ANK3: variants seen among roughly 807,000 people sequenced by gnomAD.
ANK3 encodes ankyrin-3.
Under a neutral mutation model 370.9 loss-of-function variants are expected in ANK3, and 57 were observed. The ratio of observed to expected loss-of-function variants is 0.15; its 90% CI spans 0.12 to 0.19. The LOEUF (loss-of-function observed/expected upper bound fraction) is 0.19, where lower values mean the gene tolerates loss of function less well. Ranked by LOEUF, ANK3 falls within the 10% of genes least tolerant of loss-of-function variation. ANK3 has a pLI of 1.00. For synonymous variants in ANK3, 1,929 were observed against 1,946.3 expected, an observed-to-expected ratio of 0.99 and a Z score of 0.23; for missense variants, 4,439 against 5,302.1, an observed-to-expected ratio of 0.84 and a Z score of 5.06.
intron 12 of ANK3, 22 bp downstream of exon 12, chr10:60,202,980 C>T (rs754705109): frequency 2.6e-6 from 4 of 1,558,750 alleles, no homozygotes; most frequent in Non-Finnish European, 3.5e-6. Context: ...CAATGGACCT[C>T]CTTTGTTCAA....
At chr10:60,366,959 A>T (rs1252057958) in intron 1 of ANK3, among the ~76,000 whole-genome samples, 4 of 152,140 alleles carry the variant, frequency 2.6e-5, no homozygotes, top group Non-Finnish European at 5.9e-5. Flanking sequence ...TATTCTTACT[A>T]TATTTACCTA....
Position 60,676,258 on chromosome 10 carries a change from T to C in ANK3, c.57+57005A>G, listed in dbSNP as rs1183775697. ...ATAATTCTTGCAAGTAATTTGAAAATGTTTTACCTTTTCTCAATAGGAATG... is the reference window on the plus strand; with the variant it reads ...ATAATTCTTGCAAGTAATTTGAAAACGTTTTACCTTTTCTCAATAGGAATG... On this transcript the variant is annotated intron_variant, in intron 1 of 43. Transcript: ENST00000373827. Among the ~76,000 whole-genome samples the C allele has an allele frequency of 2.6e-5, 4 of 152,302 alleles. No individual in the cohort carries two copies. In the South Asian group the frequency reaches 8.3e-4, roughly 32 times the overall value.
At chr10:60,281,999 T>G (rs945629618) in intron 1 of ANK3, among the ~76,000 whole-genome samples, 1 of 152,200 alleles carries the variant, frequency 6.6e-6, no homozygotes, top group East Asian at 1.9e-4. Context: ...AGGTTCACTA[T>G]TTAGAGGTTA....
At chr10:60,277,802 T>C (rs915181075) in intron 4 of ANK3, among the ~76,000 whole-genome samples, 3 of 152,184 alleles carry the variant, frequency 2.0e-5, no homozygotes, top group Non-Finnish European at 4.4e-5. Flanking sequence ...AATCAATTTG[T>C]TCAATATCCA....
Position 60,269,017 on chromosome 10 carries a change from T to C in ANK3, c.513+1114A>G, listed in dbSNP as rs114787061. The stretch of plus-strand genomic sequence containing the variant: ...ACTAAGTGAGATTAGATGCAGTTTA[T>C]CTACTGCCATCTTTTCTGTGCTATT... On this transcript the variant is annotated intron_variant, in intron 5 of 43. Coordinates refer to ENST00000280772, the MANE Select transcript of ANK3 (RefSeq NM_020987.5). 8.9e-3 allele frequency among the ~76,000 whole-genome samples: 1,356 copies of C among 152,340 alleles called. 22 individuals are homozygous for C. The highest frequency in any genetic ancestry group is 0.031 in the African/African-American group (1,304 of 41,570).
rs2096887283 is a variant in ANK3 at position 60,213,444 on chromosome 10, C to A, written c.964G>T (p.Asp322Tyr). ...TTTGAAAGAATGGGGGCAGCTCGATCAAGCAACATTTCTACCACCTGCTCG... is the reference window on the plus strand; with the variant it reads ...TTTGAAAGAATGGGGGCAGCTCGATAAAGCAACATTTCTACCACCTGCTCG... ...GHEQVVEMLL[D>Y]RAAPILSKTK... is the part of the protein sequence containing the mutation. Residue 322 changes from aspartate to tyrosine, a missense_variant, in exon 9 of 44, where the codon GAT (aspartate) becomes TAT (tyrosine). Physicochemically the swap from Asp to Tyr is radical, Grantham distance 160. Around this residue, in one of 13 missense-constraint regions of ANK3, gnomAD observed 227 missense variants for 377.6 expected, o/e 0.60. Transcript: ENST00000280772. 1 of 1,612,520 alleles carries A rather than the reference C, an allele frequency of 6.2e-7. No individual in the cohort carries two copies.
chr10:60,486,151 G>C (rs2075341836), intron 2 of ANK3, among the ~76,000 whole-genome samples: 1 of 152,018 alleles, frequency 6.6e-6, no homozygotes, highest in African/African-American at 2.4e-5. Flanking sequence ...CCCTGGAAGT[G>C]GTACAAATAC....
intron 39 of ANK3, 103 bp from the exon 40 acceptor site, chr10:60,063,357 T>G: frequency 2.6e-6 from 3 of 1,146,128 alleles, no homozygotes; most frequent in Non-Finnish European, 1.2e-6. Context: ...GCTGACATTT[T>G]AGCTCCTTCT....
chr10:60,028,057 C>A lies in ANK3; in HGVS notation c.*1789G>T, dbSNP rs1329437827. 6.6e-6 allele frequency: 1 copy of A among 152,168 alleles called. No homozygotes were observed. Among genetic ancestry groups the A allele is most frequent in the Non-Finnish European group, 1.5e-5 (1 of 68,024 alleles). The allele number at this position is 152,168 out of a possible 1,614,324, so 9.4% of individuals were successfully genotyped here. On this transcript the variant is annotated 3_prime_UTR_variant, in exon 44 of 44. Transcript: ENST00000280772. ...ATTAATAAAACAAAACAAAAACAAGCTCTGTGGGCTAAAAGCAACTGCATG... is the reference window on the plus strand; with the variant it reads ...ATTAATAAAACAAAACAAAAACAAGATCTGTGGGCTAAAAGCAACTGCATG...
chr10:60,733,222 G>T, intron 1 of ANK3: 1 of 1,238,446 alleles, frequency 8.1e-7, no homozygotes, highest in Non-Finnish European at 1.0e-6. Flanking sequence ...CATGCCCCTG[G>T]GTGAAGGCAG....
chr10:60,277,030 G>A (rs935011715), intron 4 of ANK3, among the ~76,000 whole-genome samples: 1 of 152,090 alleles, frequency 6.6e-6, no homozygotes, highest in African/African-American at 2.4e-5. Context: ...ACTCTCCTAG[G>A]GAATCAGAAT....
chr10:60,036,327 G>T (rs552140525), intron 43 of ANK3, among the ~76,000 whole-genome samples: 15 of 148,686 alleles, frequency 1.0e-4, no homozygotes, highest in South Asian at 2.1e-4. Context: ...TCTATTCTTG[G>T]TTTTTTTAAT....
intron 28 of ANK3, among the ~76,000 whole-genome samples, chr10:60,088,723 G>T (rs1242751111): frequency 1.3e-5 from 2 of 152,120 alleles, no homozygotes; most frequent in Non-Finnish European, 2.9e-5. Flanking sequence ...CTGGGCCCAG[G>T]CAATACATCA....
intron 2 of ANK3, among the ~76,000 whole-genome samples, chr10:60,503,706 G>A (rs1300613934): frequency 6.6e-6 from 1 of 152,134 alleles, no homozygotes; most frequent in Non-Finnish European, 1.5e-5. Context: ...ATAATCCCAA[G>A]ATATCTCATA....
intron 2 of ANK3, among the ~76,000 whole-genome samples, chr10:60,498,114 G>A (rs192777780): frequency 1.1e-4 from 16 of 151,988 alleles, no homozygotes; most frequent in Middle Eastern, 3.4e-3. Flanking sequence ...TTTCTACCTC[G>A]CTGCCCCCAG....
chr10:60,121,110 G>A (rs1189964666), intron 25 of ANK3, among the ~76,000 whole-genome samples: 2 of 152,146 alleles, frequency 1.3e-5, no homozygotes, highest in Non-Finnish European at 2.9e-5. Flanking sequence ...AATGGAGTAT[G>A]TACACGCAAC....
In ANK3 at chr10:60,027,681, CCA is replaced by C. The variant is rs540601037; in HGVS notation, c.*2163_*2164del. The C allele has an allele frequency of 3.9e-4, 59 of 152,244 alleles. No individual in the cohort carries two copies. The highest frequency in any genetic ancestry group is 1.3e-3 in the African/African-American group (55 of 41,530). The allele number at this position is 152,244 out of a possible 1,614,324, so 9.4% of individuals were successfully genotyped here. ...CAGAGAATAGCATGTAGTGAGCACTCCAGTTTTAGTGATGATGATCACAGTTA... is the reference window on the plus strand; with the variant it reads ...CAGAGAATAGCATGTAGTGAGCACTCGTTTTAGTGATGATGATCACAGTTA... On this transcript the variant is annotated 3_prime_UTR_variant, in exon 44 of 44. Coordinates refer to ENST00000280772, the MANE Select transcript of ANK3 (RefSeq NM_020987.5).
At chr10:60,379,017 A>G (rs758733149) in intron 1 of ANK3, among the ~76,000 whole-genome samples, 12 of 152,116 alleles carry the variant, frequency 7.9e-5, no homozygotes, top group Non-Finnish European at 1.6e-4. Context: ...CAACAGCAAA[A>G]ATCCCACACA....
chr10:60,113,153 G>C lies in ANK3; in HGVS notation c.2948+1072C>G, dbSNP rs74153515. Among the ~76,000 whole-genome samples the C allele has an allele frequency of 6.0e-3, 901 of 151,370 alleles. 7 individuals carry two copies. The highest frequency in any genetic ancestry group is 0.021 in the African/African-American group (853 of 41,238). On this transcript the variant is annotated intron_variant, in intron 26 of 43. Transcript: ENST00000280772. ...GCAGGATGAGGAGGCTACTCGGTGTGGTTTTTAACCACAGCACTTCCAGTG... is the reference window on the plus strand; with the variant it reads ...GCAGGATGAGGAGGCTACTCGGTGTCGTTTTTAACCACAGCACTTCCAGTG...
Sources: allele counts gnomAD v4.1 joint callset (sites outside exome capture counted in the v4.1 genomes callset), GRCh38; gene constraint gnomAD v4.1.1; regional missense constraint gnomAD v4.1.1; transcripts MANE v1.5; gene names NCBI Gene and HGNC (gene_info 2026-07-23, HGNC 2026-07-21).